Variants in AP3B1 observed in about 807,000 individuals in gnomAD.
AP3B1 encodes the protein adaptor related protein complex 3 subunit beta 1, also known as AP-3 complex subunit beta-1.
In AP3B1, 61 loss-of-function variants were observed where a neutral mutation model predicts 132.5. The observed-to-expected ratio is 0.46, with a 90% confidence interval of 0.37 to 0.57. AP3B1 has a LOEUF of 0.57. Ranked by LOEUF, AP3B1 falls within the 20% of genes least tolerant of loss-of-function variation. The pLI, the probability that AP3B1 is intolerant of heterozygous loss-of-function variation, is 0.00. For synonymous variants in AP3B1, 388 were observed against 438.3 expected (o/e 0.89, Z 1.43); for missense variants, 1,120 against 1,289.4 (o/e 0.87, Z 2.01).
chr5:78,183,192 T>C (rs1327415621), intron 7 of AP3B1, among the ~76,000 whole-genome samples: 1 of 152,086 alleles, frequency 6.6e-6, no homozygotes, highest in African/African-American at 2.4e-5. Context: ...ATGAGTAAAA[T>C]CCCTCTGAAG....
intron 3 of AP3B1, among the ~76,000 whole-genome samples, chr5:78,237,138 A>C (rs1471216299): frequency 6.6e-6 from 1 of 152,230 alleles, no homozygotes. Context: ...AGTTTATAAG[A>C]ACTATTTCAT....
intron 25 of AP3B1, among the ~76,000 whole-genome samples, chr5:78,016,782 C>G (rs1746872219): frequency 6.6e-6 from 1 of 152,202 alleles, no homozygotes; most frequent in South Asian, 2.1e-4. Context: ...TCTGGGAACA[C>G]TATGTTCTGT....
At chr5:78,081,448 C>T (rs946033946) in intron 22 of AP3B1, among the ~76,000 whole-genome samples, 9 of 151,688 alleles carry the variant, frequency 5.9e-5, no homozygotes, top group Non-Finnish European at 1.0e-4. Context: ...GCTGGGACTA[C>T]AGGCGCCCGC....
intron 1 of AP3B1, among the ~76,000 whole-genome samples, chr5:78,285,598 T>C (rs1161514680): frequency 6.6e-6 from 1 of 152,144 alleles, no homozygotes; most frequent in Non-Finnish European, 1.5e-5. Context: ...GCCTATTTAG[T>C]ATCTCCACAT....
chr5:78,269,934 G>T (rs564103941), intron 1 of AP3B1, among the ~76,000 whole-genome samples: 8 of 151,844 alleles, frequency 5.3e-5, no homozygotes, highest in African/African-American at 1.9e-4. Flanking sequence ...TTTCTTTTGA[G>T]ACAGAGTCTC....
intron 22 of AP3B1, among the ~76,000 whole-genome samples, chr5:78,040,022 G>T (rs1377591992): frequency 6.6e-6 from 1 of 151,796 alleles, no homozygotes; most frequent in Non-Finnish European, 1.5e-5. Context: ...CAAAATGAAC[G>T]TCTGGACCTT....
intron 6 of AP3B1, among the ~76,000 whole-genome samples, chr5:78,225,189 G>A (rs776021976): frequency 2.6e-5 from 4 of 152,034 alleles, no homozygotes; most frequent in Non-Finnish European, 5.9e-5. Flanking sequence ...GAAATATAAA[G>A]TGGGTACAAA....
intron 6 of AP3B1, among the ~76,000 whole-genome samples, chr5:78,223,584 T>A (rs1300237335): frequency 1.3e-5 from 2 of 152,342 alleles, no homozygotes; most frequent in East Asian, 3.9e-4. Context: ...GAAACAGACA[T>A]TCCAATTTTA....
At chr5:78,161,375 T>C (rs958693362) in intron 13 of AP3B1, among the ~76,000 whole-genome samples, 4 of 152,032 alleles carry the variant, frequency 2.6e-5, no homozygotes, top group African/African-American at 9.7e-5. Flanking sequence ...TTTCTGTATG[T>C]AACTAAAATG....
chr5:78,000,727 A>G (rs576224117), downstream of AP3B1: 3 of 152,366 alleles, frequency 2.0e-5, no homozygotes, highest in Middle Eastern at 3.4e-3. Flanking sequence ...ATGAAAAAAT[A>G]TAGCTAGAAT....
rs140806659 is a variant in AP3B1, at chr5:78,220,926, A to G, written c.603+4616T>C. 7.8e-3 allele frequency among the ~76,000 whole-genome samples: 1,194 copies of G among 152,182 alleles called. 17 individuals carry two copies. Among genetic ancestry groups the G allele is most frequent in the African/African-American group, 0.022 (922 of 41,506 alleles). On this transcript the variant is annotated intron_variant, in intron 6 of 26. Transcript: ENST00000255194. ...TAGCTGGGCATGGTGGTGCATGTCT[A>G]TAGTCCCATTTACTCAGGAGGCTGG...
At chr5:78,058,867 A>T (rs1748927481) in intron 22 of AP3B1, among the ~76,000 whole-genome samples, 1 of 152,176 alleles carries the variant, frequency 6.6e-6, no homozygotes, top group South Asian at 2.1e-4. Flanking sequence ...TATGAGTGCC[A>T]TCACCCTGCC....
In AP3B1 at chr5:78,263,786, G is replaced by A. The variant is rs570039325; in HGVS notation, c.204+3734C>T. On this transcript the variant is annotated intron_variant, in intron 2 of 26. Transcript: ENST00000255194. ...TTTTTCCCTTTCCTTCTGTTAATGT[G>A]GTATATTACAATGACTGAATTTTGT... Among the ~76,000 whole-genome samples, 31 of 152,158 alleles carry A rather than the reference G, an allele frequency of 2.0e-4. 1 individual carries two copies. In the South Asian group the frequency reaches 6.4e-3, roughly 32 times the overall value.
At chr5:78,290,738 T>TAG (rs373662771) in intron 1 of AP3B1, among the ~76,000 whole-genome samples, 57 of 152,148 alleles carry the variant, frequency 3.7e-4, no homozygotes, top group African/African-American at 1.3e-3. Flanking sequence ...TGCTTGAGCC[T>TAG]AGGAGTTCAA....
chr5:78,125,045 GGAAAA>G (rs545381700), intron 17 of AP3B1, among the ~76,000 whole-genome samples: 128 of 151,766 alleles, frequency 8.4e-4, no homozygotes, highest in African/African-American at 2.6e-3. Flanking sequence ...GGAATAATAG[GGAAAA>G]GAAAAGAAAA....
At chr5:78,178,754 C>T (rs1360086247) in intron 8 of AP3B1, among the ~76,000 whole-genome samples, 1 of 152,150 alleles carries the variant, frequency 6.6e-6, no homozygotes, top group African/African-American at 2.4e-5. Flanking sequence ...GTTACCAATG[C>T]TGCCTTTGGC....
At chr5:78,258,960 G>A (rs375038589) in intron 2 of AP3B1, among the ~76,000 whole-genome samples, 4 of 152,162 alleles carry the variant, frequency 2.6e-5, no homozygotes, top group South Asian at 2.1e-4. Flanking sequence ...ACATCTGGCC[G>A]GGCACGGTGG....
chr5:78,097,574 G>C (rs1251555228), intron 21 of AP3B1, among the ~76,000 whole-genome samples: 1 of 119,094 alleles, frequency 8.4e-6, no homozygotes, highest in African/African-American at 3.3e-5. Flanking sequence ...TCAGCCCCCC[G>C]CCCGGCCAGC....
At chr5:78,070,310 G>C (rs1451966658) in intron 22 of AP3B1, among the ~76,000 whole-genome samples, 1 of 151,772 alleles carries the variant, frequency 6.6e-6, no homozygotes, top group Non-Finnish European at 1.5e-5. Flanking sequence ...GGGAGGCTGA[G>C]GCAGGAGAAT....
Sources: allele counts gnomAD v4.1 joint callset (sites outside exome capture counted in the v4.1 genomes callset), GRCh38; gene constraint gnomAD v4.1.1; transcripts MANE v1.5; gene names NCBI Gene and HGNC (gene_info 2026-07-23, HGNC 2026-07-21).